The following ANO6 variants were observed in gnomAD, a reference collection of about 807,000 sequenced individuals.
ANO6 encodes anoctamin 6, also known as anoctamin-6.
A neutral mutation model predicts 117.5 loss-of-function variants in ANO6; 106 were observed. That is an observed-to-expected ratio of 0.90 (90% CI 0.77 to 1.06). The LOEUF (loss-of-function observed/expected upper bound fraction) is 1.06. Among genes scored for constraint, ANO6 ranks in the 50% least tolerant of loss-of-function variants. The probability of loss-of-function intolerance (pLI) is 0.00; values close to 1 mark genes in which losing one functional copy is unlikely to be tolerated. For synonymous variants in ANO6, 367 were observed against 385.1 expected, an observed-to-expected ratio of 0.95 and a Z score of 0.55; for missense variants, 955 against 1,121.1, an observed-to-expected ratio of 0.85 and a Z score of 2.12.
rs774879124 is a variant in ANO6, at chr12:45,347,076, G to A, written c.334G>A (p.Ala112Thr). 6 of 1,613,912 alleles carry A rather than the reference G, an allele frequency of 3.7e-6. No homozygotes were observed. The Admixed American group carries it at 6.7e-5, about 18-fold the overall frequency. ...NLICHGLQLE[A>T]TRSVLDDKLV... ...TATCTGTCATGGCCTGCAGTTAGAA[G>A]CAACAAGATCAGTAAGTACTGGTCC... Residue 112 changes from alanine to threonine, a missense_variant, in exon 4 of 20, where the codon GCA (alanine) becomes ACA (threonine). Transcript: ENST00000320560.
chr12:45,378,083 C>G lies in ANO6; in HGVS notation c.1135C>G (p.Leu379Val), dbSNP rs1942076986. 1.2e-6 allele frequency: 2 copies of G among 1,609,698 alleles called. No homozygotes were observed. Among genetic ancestry groups the G allele is most frequent in the East Asian group, 4.5e-5 (2 of 44,744 alleles). The change falls in exon 10 of 20, where the codon CTG (leucine) becomes GTG (valine). Residue 379 changes from leucine to valine, a missense_variant. Transcript: ENST00000320560. The stretch of plus-strand genomic sequence containing the variant: ...GTGCATCTTCGACAGTTTTGGAACC[C>G]TGGTCTTTGCAGTATTTATGGGAGT... ...KLCIFDSFGT[L>V]VFAVFMGVWV...
intron 3 of ANO6, among the ~76,000 whole-genome samples, chr12:45,337,197 C>A (rs932968548): frequency 3.3e-5 from 5 of 152,108 alleles, no homozygotes; most frequent in African/African-American, 7.2e-5. Context: ...CACTCACTTG[C>A]TGACTCACCC....
chr12:45,283,617 T>A (rs10736024), intron 1 of ANO6, among the ~76,000 whole-genome samples: 137,188 of 152,256 alleles, frequency 0.9, 62,890 homozygotes, highest in Non-Finnish European at 0.99. Flanking sequence ...TTCTACTCTG[T>A]CTACATAATG....
At chr12:45,217,650 C>G (rs1164344168) in intron 1 of ANO6, among the ~76,000 whole-genome samples, 1 of 152,134 alleles carries the variant, frequency 6.6e-6, no homozygotes, top group African/African-American at 2.4e-5. Context: ...TTGGTCTGCC[C>G]AGCTTCTCAC....
chr12:45,395,645 G>A lies in ANO6; in HGVS notation c.1386+5147G>A, dbSNP rs562928130. 1.3e-4 allele frequency among the ~76,000 whole-genome samples: 20 copies of A among 152,276 alleles called. No homozygotes were observed. The East Asian group carries it at 3.1e-3, about 24-fold the overall frequency. ...GCACATCAAAAAGCTTATCCAACACGATCAAGTAGGCTTCATCCCTGGGAT... is the reference window on the plus strand; with the variant it reads ...GCACATCAAAAAGCTTATCCAACACAATCAAGTAGGCTTCATCCCTGGGAT... On this transcript the variant is annotated intron_variant, in intron 12 of 19. Coordinates refer to ENST00000320560, the MANE Select transcript of ANO6 (RefSeq NM_001025356.3).
chr12:45,278,678 G>A (rs755530976), intron 1 of ANO6, among the ~76,000 whole-genome samples: 11 of 151,942 alleles, frequency 7.2e-5, no homozygotes, highest in Admixed American at 2.0e-4. Context: ...TGTTTTAAGC[G>A]TCTTTTTCAT....
intron 3 of ANO6, among the ~76,000 whole-genome samples, chr12:45,333,119 A>G (rs1940722407): frequency 6.6e-6 from 1 of 152,044 alleles, no homozygotes; most frequent in Admixed American, 6.6e-5. Flanking sequence ...GGATCCTAAT[A>G]CTTAGCCTAT....
chr12:45,320,245 T>TTTA, intron 2 of ANO6, among the ~76,000 whole-genome samples: 2 of 152,258 alleles, frequency 1.3e-5, no homozygotes, highest in South Asian at 4.1e-4. Flanking sequence ...TGCTTTCTCT[T>TTTA]GTGGGCATTT....
At chr12:45,377,187 C>G (rs1448802919) in intron 9 of ANO6, among the ~76,000 whole-genome samples, 1 of 150,986 alleles carries the variant, frequency 6.6e-6, no homozygotes, top group Non-Finnish European at 1.5e-5. Context: ...AGTCCCTGTC[C>G]TTTTATATTA....
chr12:45,308,048 A>ATTTTTTTTTTT lies in ANO6; in HGVS notation c.150+5969_150+5979dup, dbSNP rs1218638312. ...GTGTGTGTCTGTGTGTGTGTGTGTA[A>ATTTTTTTTTTT]TTTTTTTTTTTTTTTTTTTTTTTTG... On this transcript the variant is annotated intron_variant, in intron 2 of 19. Transcript: ENST00000320560. 2.2e-3 allele frequency among the ~76,000 whole-genome samples: 152 copies of ATTTTTTTTTTT among 69,306 alleles called. 28 individuals carry two copies. The highest frequency in any genetic ancestry group is 2.6e-3 in the Non-Finnish European group (100 of 39,104). The allele number at this position is 69,306 out of a possible 152,430, so 45.5% of individuals were successfully genotyped here.
intron 11 of ANO6, among the ~76,000 whole-genome samples, chr12:45,389,742 A>G (rs956214255): frequency 2.0e-5 from 3 of 152,208 alleles, no homozygotes; most frequent in African/African-American, 7.2e-5. Flanking sequence ...CCGGTGCCTC[A>G]GTGACCTCAT....
chr12:45,317,178 T>C (rs1423836749), intron 2 of ANO6, among the ~76,000 whole-genome samples: 7 of 136,740 alleles, frequency 5.1e-5, no homozygotes, highest in South Asian at 2.4e-4. Flanking sequence ...ACCTGCAGGT[T>C]TGTTACATAT....
At chr12:45,315,620 G>C (rs1479375182) in intron 2 of ANO6, among the ~76,000 whole-genome samples, 1 of 151,930 alleles carries the variant, frequency 6.6e-6, no homozygotes, top group East Asian at 1.9e-4. Flanking sequence ...CAGCTTCCAT[G>C]ATGAGCTCTG....
At chr12:45,256,077 G>A (rs919826706) in intron 1 of ANO6, among the ~76,000 whole-genome samples, 28 of 152,094 alleles carry the variant, frequency 1.8e-4, no homozygotes, top group African/African-American at 6.0e-4. Flanking sequence ...GCCTGTCTCG[G>A]CCTCCCAAGG....
intron 1 of ANO6, among the ~76,000 whole-genome samples, chr12:45,299,411 T>C (rs1939406244): frequency 6.6e-6 from 1 of 152,246 alleles, no homozygotes; most frequent in South Asian, 2.1e-4. Context: ...TCTGCTTTGG[T>C]TCACACATAG....
intron 1 of ANO6, among the ~76,000 whole-genome samples, chr12:45,298,769 C>T (rs1375077783): frequency 1.3e-5 from 2 of 152,026 alleles, no homozygotes; most frequent in African/African-American, 2.4e-5. Flanking sequence ...ACATAGATAC[C>T]GTTTATTGGA....
intron 12 of ANO6, among the ~76,000 whole-genome samples, chr12:45,401,567 C>T (rs1311650228): frequency 1.3e-5 from 2 of 152,158 alleles, no homozygotes; most frequent in African/African-American, 2.4e-5. Flanking sequence ...CACCCAGTTT[C>T]TCCTCTAGTT....
downstream of ANO6, among the ~76,000 whole-genome samples, chr12:45,433,836 G>A (rs1054603282): frequency 2.0e-5 from 3 of 152,286 alleles, no homozygotes; most frequent in African/African-American, 4.8e-5. Context: ...AAATGAAGGG[G>A]AAATCCTAGA....
rs571039655 is a variant in ANO6, at chr12:45,284,794, T to TG, written c.71-17219dup. ...TTATTATGTGTGAAAGTCTGATGCC[T>TG]GTATAAATTTGGCGCATAAAAGGAA... On this transcript the variant is annotated intron_variant, in intron 1 of 19. Transcript: ENST00000320560. 6.6e-5 allele frequency among the ~76,000 whole-genome samples: 10 copies of TG among 152,350 alleles called. No homozygotes were observed. In the South Asian group the frequency reaches 1.9e-3, roughly 28 times the overall value.
Sources: allele counts gnomAD v4.1 joint callset (sites outside exome capture counted in the v4.1 genomes callset), GRCh38; gene constraint gnomAD v4.1.1; transcripts MANE v1.5; gene names NCBI Gene and HGNC (gene_info 2026-07-23, HGNC 2026-07-21).